PDE4C: variants seen among roughly 807,000 people sequenced by gnomAD.
PDE4C encodes phosphodiesterase 4C.
In PDE4C, 50 loss-of-function variants were observed where a neutral mutation model predicts 63.9. That is an observed-to-expected ratio of 0.78 (90% CI 0.62 to 0.99). PDE4C has a LOEUF of 0.99. Ranked by LOEUF, PDE4C falls within the 50% of genes least tolerant of loss-of-function variation. The probability of loss-of-function intolerance (pLI) is 0.00; values close to 1 mark genes in which losing one functional copy is unlikely to be tolerated. For synonymous variants in PDE4C, 377 were observed against 385.1 expected, an observed-to-expected ratio of 0.98 and a Z score of 0.25; for missense variants, 777 against 899.1, an observed-to-expected ratio of 0.86 and a Z score of 1.74.
At chr19:18,226,147 G>T in intron 1 of PDE4C, 123 bp downstream of exon 1, 1 of 718,380 alleles carries the variant, frequency 1.4e-6, no homozygotes, top group Non-Finnish European at 2.3e-6. Context: ...GGGAGAGGCA[G>T]AGCGTCCAAG....
upstream of PDE4C, chr19:18,252,478 AG>A: frequency 5.2e-6 from 2 of 385,828 alleles, no homozygotes; most frequent in Non-Finnish European, 8.8e-6. Context: ...ATATCTGGAA[AG>A]AAAAACTGGG....
intron 1 of PDE4C, among the ~76,000 whole-genome samples, chr19:18,223,271 C>G (rs898978159): frequency 6.9e-6 from 1 of 145,806 alleles, no homozygotes; most frequent in Non-Finnish European, 1.5e-5. Context: ...AGTGCAATGG[C>G]ACAATCTCAG....
At chr19:18,247,111 G>A (rs1969147138) in intron 1 of PDE4C, among the ~76,000 whole-genome samples, 1 of 152,176 alleles carries the variant, frequency 6.6e-6, no homozygotes, top group Non-Finnish European at 1.5e-5. Context: ...AGGCCCGGGG[G>A]CAGCCAGGTC....
chr19:18,209,452 TG>T (rs1454751568), downstream of PDE4C: 1 of 151,762 alleles, frequency 6.6e-6, no homozygotes, highest in Non-Finnish European at 1.5e-5. Flanking sequence ...GGTTTCACCG[TG>T]TTGGCCAGGC....
In PDE4C at chr19:18,222,291, CT is replaced by C; in HGVS notation, c.178del (p.Arg60GlyfsTer59). 6.2e-7 allele frequency: 1 copy of C among 1,612,342 alleles called. No homozygotes were observed. The highest frequency in any genetic ancestry group is 8.5e-7 in the Non-Finnish European group (1 of 1,179,118). On this transcript the variant is annotated frameshift_variant, in exon 2 of 15. Coordinates refer to ENST00000262805, the Ensembl canonical transcript of PDE4C. LOFTEE classifies it high-confidence loss of function. ...GCTGGACTGAGGGTCCAGGGCCCTC[CT>C]CCCACACGAGAGCCCATTTTCCAGG...
exon 15 of PDE4C, chr19:18,211,028 A>C (rs1967905457): frequency 6.2e-7 from 1 of 1,614,102 alleles, no homozygotes. Context: ...CTTTGGCTAA[A>C]GCTGTCTCTT....
intron 1 of PDE4C, among the ~76,000 whole-genome samples, chr19:18,224,766 A>AC (rs1968653714): frequency 6.6e-6 from 1 of 152,158 alleles, no homozygotes; most frequent in South Asian, 2.1e-4. Flanking sequence ...ACCGGGATGA[A>AC]CCCCACGGCC....
At chr19:18,245,052 G>A (rs773580381) in intron 1 of PDE4C, among the ~76,000 whole-genome samples, 2 of 152,034 alleles carry the variant, frequency 1.3e-5, no homozygotes, top group Non-Finnish European at 2.9e-5. Flanking sequence ...GGCCAGGATG[G>A]TCTCGATCTC....
upstream of PDE4C, chr19:18,252,455 C>T: frequency 5.0e-6 from 2 of 399,008 alleles, no homozygotes; most frequent in Non-Finnish European, 8.8e-6. Flanking sequence ...CCATACTGTT[C>T]TCTGAGGTCA....
intron 1 of PDE4C, chr19:18,224,629 C>T: frequency 1.8e-6 from 1 of 555,462 alleles, no homozygotes; most frequent in Non-Finnish European, 2.3e-6. Flanking sequence ...CGAACAAGTC[C>T]GGGTGACGCT....
upstream of PDE4C, among the ~76,000 whole-genome samples, chr19:18,229,387 T>A (rs1267583754): frequency 2.0e-5 from 3 of 152,142 alleles, no homozygotes; most frequent in Non-Finnish European, 4.4e-5. Flanking sequence ...ATTACAGGCA[T>A]CTGCCACCAC....
At chr19:18,248,363 G>A (rs1312911688), upstream of PDE4C, among the ~76,000 whole-genome samples, 1 of 151,170 alleles carries the variant, frequency 6.6e-6, no homozygotes, top group African/African-American at 2.4e-5. Flanking sequence ...GTGGGTGGAG[G>A]GCAGAGTGTC....
upstream of PDE4C, chr19:18,250,234 T>C (rs561288238): frequency 2.5e-6 from 1 of 398,962 alleles, no homozygotes; most frequent in East Asian, 3.6e-5. Flanking sequence ...GCAGCCCAGG[T>C]TGGCCCTGCT....
intron 13 of PDE4C, among the ~76,000 whole-genome samples, chr19:18,212,905 C>T (rs1186836845): frequency 6.7e-6 from 1 of 148,554 alleles, no homozygotes; most frequent in African/African-American, 2.5e-5. Context: ...CCAGACTGGT[C>T]TTGAACTCCT....
the PDE4C span, among the ~76,000 whole-genome samples, chr19:18,253,332 A>G: frequency 2.3e-4 from 35 of 152,222 alleles, 1 homozygote; most frequent in African/African-American, 7.2e-4. Context: ...GTAGTGCGCC[A>G]TGATTGCGCC....
At chr19:18,213,515 C>A in intron 12 of PDE4C, 25 bp from the exon 13 acceptor site, 1 of 1,605,614 alleles carries the variant, frequency 6.2e-7, no homozygotes, top group Non-Finnish European at 8.5e-7. Context: ...GGGAAGGTGA[C>A]AGGCGCGAGG....
rs867191046 is a variant in PDE4C at position 18,221,298 on chromosome 19, C to G, written c.339-1G>C. 5 of 1,543,666 alleles carry G rather than the reference C, an allele frequency of 3.2e-6. No homozygotes were observed. The highest frequency in any genetic ancestry group is 4.4e-6 in the Non-Finnish European group (5 of 1,147,130). ...CGTCACAATCATGTCCTCTCCATGT[C>G]TGCGAGGAGACGGGCCATCAGGGAG... On this transcript the variant is annotated splice_acceptor_variant, in intron 2 of 14. Coordinates refer to ENST00000262805, the Ensembl canonical transcript of PDE4C. LOFTEE classifies it high-confidence loss of function.
chr19:18,237,978 C>A (rs993980862), upstream of PDE4C, among the ~76,000 whole-genome samples: 1 of 151,872 alleles, frequency 6.6e-6, no homozygotes, highest in Admixed American at 6.6e-5. Flanking sequence ...GGCTCATGCC[C>A]ATAATCCCAA....
At chr19:18,250,538 G>A (rs1969219017), upstream of PDE4C, 1 of 375,898 alleles carries the variant, frequency 2.7e-6, no homozygotes, top group Non-Finnish European at 4.5e-6. Flanking sequence ...ACCCACCAGG[G>A]CCCAGAGCCT....
Sources: gnomAD v4.1 joint callset for allele counts (sites outside exome capture counted in the v4.1 genomes callset) on GRCh38, gnomAD v4.1.1 for gene constraint, MANE v1.5 for transcripts, NCBI Gene and HGNC (gene_info 2026-07-23, HGNC 2026-07-21) for gene names.